Variants in MRPL46 observed in about 807,000 individuals in gnomAD.
MRPL46 encodes the protein mitochondrial ribosomal protein L46.
In MRPL46, 26 loss-of-function variants were observed where a neutral mutation model predicts 31.0. That is an observed-to-expected ratio of 0.84 (90% CI 0.61 to 1.16). The LOEUF (loss-of-function observed/expected upper bound fraction) is 1.16. MRPL46 is among the 50% of genes most tolerant of loss of function. The probability of loss-of-function intolerance (pLI) is 0.00; values close to 1 mark genes in which losing one functional copy is unlikely to be tolerated. For synonymous variants in MRPL46, 159 were observed against 141.3 expected, an observed-to-expected ratio of 1.13 and a Z score of -0.89; for missense variants, 395 against 340.0, an observed-to-expected ratio of 1.16 and a Z score of -1.27.
chr15:88,459,922 C>T, intron 3 of MRPL46, 59 bp from the exon 4 acceptor site: 2 of 1,589,526 alleles, frequency 1.3e-6, no homozygotes, highest in South Asian at 1.1e-5. Context: ...CATCTGTTTA[C>T]TCTGGCTCCC....
At position 88,464,793 on chromosome 15, in the gene MRPL46, C is replaced by A. The variant is rs1321638611; in HGVS notation, c.499G>T (p.Asp167Tyr). ...LVLLVREKFG[D>Y]QDVWILPQAE... ...TGGGGCAGTATCCAAACATCCTGGT[C>A]TCCAAACTTCTCTCTGACTAACAGG... is the stretch of plus-strand genomic sequence containing the variant. Residue 167 changes from aspartate to tyrosine, a missense_variant, in exon 3 of 4, where the codon GAC (aspartate) becomes TAC (tyrosine). By Grantham distance (160) the Asp-to-Tyr change is radical. Transcript: ENST00000312475. 6.2e-7 allele frequency: 1 copy of A among 1,614,154 alleles called. No homozygotes were observed. The highest frequency in any genetic ancestry group is 8.5e-7 in the Non-Finnish European group (1 of 1,180,030).
At chr15:88,464,902 T>C in intron 2 of MRPL46, 26 bp from the exon 3 acceptor site, 1 of 1,601,038 alleles carries the variant, frequency 6.2e-7, no homozygotes, top group South Asian at 1.1e-5. Flanking sequence ...TCAGAGGAGG[T>C]AAGAAGACTG....
intron 3 of MRPL46, 99 bp from the exon 4 acceptor site, chr15:88,459,962 G>A: frequency 6.9e-7 from 1 of 1,451,396 alleles, no homozygotes; most frequent in Non-Finnish European, 9.3e-7. Flanking sequence ...GCAAGATCTG[G>A]CCCTGAGGTA....
chr15:88,467,049 T>C, intron 1 of MRPL46, 101 bp downstream of exon 1: 1 of 1,332,602 alleles, frequency 7.5e-7, no homozygotes, highest in Non-Finnish European at 1.0e-6. Context: ...TAGGTACCAT[T>C]CTGCGGATAA....
In MRPL46 at chr15:88,465,612, C is replaced by A. The variant is rs371875842; in HGVS notation, c.390G>T (p.Gln130His). The A allele has an allele frequency of 2.5e-6, 4 of 1,611,096 alleles. No homozygotes were observed. The highest frequency in any genetic ancestry group is 1.7e-6 in the Non-Finnish European group (2 of 1,179,112). ...LEDMWEQKFL[Q>H]FKLGARITEA... ...CTGTTATGCGAGCTCCAAGTTTGAA[C>A]TGTAGAAATTTCTGCTCCCACATAT... The change falls in exon 2 of 4, where the codon CAG (glutamine) becomes CAT (histidine). Residue 130 changes from glutamine to histidine, a missense_variant. Gln to His is a conservative substitution (Grantham distance 24). Coordinates refer to ENST00000312475, the MANE Select transcript of MRPL46 (RefSeq NM_022163.4).
At chr15:88,465,024 C>CCTG in intron 2 of MRPL46, 148 bp from the exon 3 acceptor site, 2 of 755,714 alleles carry the variant, frequency 2.6e-6, no homozygotes, top group Admixed American at 3.5e-5. Flanking sequence ...CTCTCTAACT[C>CCTG]TGACCTCTTC....
At chr15:88,465,094 C>A in intron 2 of MRPL46, 1 of 471,448 alleles carries the variant, frequency 2.1e-6, no homozygotes, top group Non-Finnish European at 3.7e-6. Context: ...AGGTAAGCTT[C>A]TTTGAACAGC....
rs773592658 is a variant in MRPL46 at position 88,467,339 on chromosome 15, C to A, written c.39G>T (p.Ala13=). ...GCCTCTCGAACCGCCGCCAACCCCCCGCCACCCCTAACAGCGTCCGCCTTA... is the reference window on the plus strand; with the variant it reads ...GCCTCTCGAACCGCCGCCAACCCCCAGCCACCCCTAACAGCGTCCGCCTTA... ...APVRRTLLGV[A]GGWRRFERLW... Residue 13 remains alanine (A), a synonymous_variant, in exon 1 of 4, where the codon GCG becomes GCT. Coordinates refer to ENST00000312475, the MANE Select transcript of MRPL46 (RefSeq NM_022163.4). 1.2e-6 allele frequency: 2 copies of A among 1,601,924 alleles called. No homozygotes were observed. The highest frequency in any genetic ancestry group is 1.3e-5 in the African/African-American group (1 of 74,592).
At chr15:88,465,532 G>A (rs898661420) in intron 2 of MRPL46, 55 bp downstream of exon 2, 10 of 1,474,484 alleles carry the variant, frequency 6.8e-6, no homozygotes, top group Non-Finnish European at 9.0e-6. Context: ...TCTTTTATTT[G>A]GGAATCCAAA....
rs763229017 is a variant in MRPL46 at position 88,464,728 on chromosome 15, A to G, written c.564T>C (p.Ala188=). The change falls in exon 3 of 4, where the codon GCT becomes GCC. Residue 188 remains alanine (A), a synonymous_variant. Coordinates refer to ENST00000312475, the MANE Select transcript of MRPL46 (RefSeq NM_022163.4). ...CTGAGAGTGTGGCCAGGGTTCGTTC[A>G]GCTGTTCCTCGAAGGGTCTCCCCAG... ...WQPGETLRGT[A]ERTLATLSEN... 1 of 1,613,712 alleles carries G rather than the reference A, an allele frequency of 6.2e-7. No individual in the cohort carries two copies. The highest frequency in any genetic ancestry group is 2.2e-5 in the East Asian group (1 of 44,828).
chr15:88,465,007 G>C (rs562969090), intron 2 of MRPL46, 131 bp from the exon 3 acceptor site: 16 of 971,632 alleles, frequency 1.6e-5, no homozygotes, highest in Non-Finnish European at 2.2e-5. Flanking sequence ...ATTACACCTC[G>C]ACCCATCTCT....
In MRPL46 at chr15:88,465,627, C is replaced by T. The variant is rs778044681; in HGVS notation, c.375G>A (p.Glu125=). ...CAAGTTTGAACTGTAGAAATTTCTGCTCCCACATATCTTCCAAATCTTGCG... is the reference window on the plus strand; with the variant it reads ...CAAGTTTGAACTGTAGAAATTTCTGTTCCCACATATCTTCCAAATCTTGCG... ...LLAQDLEDMW[E]QKFLQFKLGA... The change falls in exon 2 of 4, where the codon GAG becomes GAA. Residue 125 remains glutamate (E), a synonymous_variant. Coordinates refer to ENST00000312475, the MANE Select transcript of MRPL46 (RefSeq NM_022163.4). The T allele has an allele frequency of 1.9e-6, 3 of 1,612,362 alleles. No homozygotes were observed. Among genetic ancestry groups the T allele is most frequent in the African/African-American group, 1.3e-5 (1 of 74,844 alleles).
Position 88,465,510 on chromosome 15 carries a change from G to A in MRPL46, c.415+77C>T, listed in dbSNP as rs1411840646. 3.6e-6 allele frequency: 5 copies of A among 1,393,368 alleles called. No homozygotes were observed. The African/African-American group carries it at 5.8e-5, about 16-fold the overall frequency. The allele number at this position is 1,393,368 out of a possible 1,614,324, so 86.3% of individuals were successfully genotyped here. ...TTGTTACTTAAAACACAAAGCAGGG[G>A]CCAAGCAACTGTCTTTTATTTGGGA... On this transcript the variant is annotated intron_variant, in intron 2 of 3. Coordinates refer to ENST00000312475, the MANE Select transcript of MRPL46 (RefSeq NM_022163.4).
In MRPL46 at chr15:88,459,873, G is replaced by A. The variant is rs1278602484; in HGVS notation, c.590-10C>T. On this transcript the variant is annotated splice_polypyrimidine_tract_variant and intron_variant, in intron 3 of 3. Transcript: ENST00000312475. Reference sequence around the variant, plus strand: ...GCTTCCATGTTGTTTTCTGAAGAGGGAGGAAAGAAAAATCACAATTGGAAG... The same window carrying A: ...GCTTCCATGTTGTTTTCTGAAGAGGAAGGAAAGAAAAATCACAATTGGAAG... The A allele has an allele frequency of 6.2e-7, 1 of 1,613,480 alleles. No individual in the cohort carries two copies. Among genetic ancestry groups the A allele is most frequent in the African/African-American group, 1.3e-5 (1 of 75,014 alleles).
intron 3 of MRPL46, chr15:88,460,191 A>AATCAGCCCAGTCGCTATCTGCTGGCGT: frequency 3.5e-6 from 1 of 285,622 alleles, no homozygotes; most frequent in African/African-American, 2.3e-5. Flanking sequence ...TCTGCTGGCG[A>AATCAGCCCAGTCGCTATCTGCTGGCGT]ATCAGCCCAG....
intron 3 of MRPL46, chr15:88,462,526 C>T (rs945524409): frequency 3.9e-5 from 6 of 152,154 alleles, no homozygotes; most frequent in African/African-American, 7.2e-5. Flanking sequence ...ACTCACTAGA[C>T]GAGCAAAATT....
In MRPL46 at chr15:88,464,787, C is replaced by G. The variant is rs369179967; in HGVS notation, c.505G>C (p.Asp169His). 25 of 1,614,162 alleles carry G rather than the reference C, an allele frequency of 1.5e-5. No individual in the cohort carries two copies. The African/African-American group carries it at 3.2e-4, about 21-fold the overall frequency. Residue 169 changes from aspartate to histidine, a missense_variant, in exon 3 of 4, where the codon GAT (aspartate) becomes CAT (histidine). By Grantham distance (81) the Asp-to-His change is moderately conservative. Coordinates refer to ENST00000312475, the MANE Select transcript of MRPL46 (RefSeq NM_022163.4). ...TCTGCCTGGGGCAGTATCCAAACATCCTGGTCTCCAAACTTCTCTCTGACT... is the reference window on the plus strand; with the variant it reads ...TCTGCCTGGGGCAGTATCCAAACATGCTGGTCTCCAAACTTCTCTCTGACT... ...LLVREKFGDQ[D>H]VWILPQAEWQ...
At chr15:88,466,600 G>T (rs891843521) in intron 1 of MRPL46, among the ~76,000 whole-genome samples, 4 of 152,234 alleles carry the variant, frequency 2.6e-5, no homozygotes, top group Non-Finnish European at 4.4e-5. Context: ...GCACAGAAGA[G>T]AAGTTTATAG....
intron 3 of MRPL46, 77 bp downstream of exon 3, chr15:88,464,611 CACCCTTAATCCAATT>C: frequency 9.1e-7 from 1 of 1,095,842 alleles, no homozygotes; most frequent in Non-Finnish European, 1.3e-6. Context: ...TTCCCACCCC[CACCCTTAATCCAATT>C]CCCCAGTCAG....
Sources: gnomAD v4.1 joint callset for allele counts (sites outside exome capture counted in the v4.1 genomes callset) on GRCh38, gnomAD v4.1.1 for gene constraint, MANE v1.5 for transcripts, NCBI Gene and HGNC (gene_info 2026-07-23, HGNC 2026-07-21) for gene names.